The following ARPC1A variants were observed in gnomAD, a reference collection of about 807,000 sequenced individuals.
ARPC1A encodes the protein actin-related protein 2/3 complex subunit 1A.
A neutral mutation model predicts 46.9 loss-of-function variants in ARPC1A; 8 were observed. The ratio of observed to expected loss-of-function variants is 0.17; its 90% CI spans 0.10 to 0.31. The LOEUF is 0.31. ARPC1A is among the 10% of genes least tolerant of loss of function. ARPC1A has a pLI of 1.00. For synonymous variants in ARPC1A, 152 were observed against 169.0 expected (o/e 0.90, Z 0.78); for missense variants, 286 against 483.6 (o/e 0.59, Z 3.83).
intron 1 of ARPC1A, among the ~76,000 whole-genome samples, chr7:99,333,099 G>C (rs751892326): frequency 3.9e-5 from 6 of 152,144 alleles, no homozygotes; most frequent in Non-Finnish European, 7.3e-5. Context: ...GTTTCACCAG[G>C]TTGGCCAGGC....
intron 5 of ARPC1A, 143 bp downstream of exon 5, chr7:99,349,102 G>GT: frequency 1.3e-6 from 1 of 783,466 alleles, no homozygotes; most frequent in Admixed American, 2.5e-5. Flanking sequence ...CCAGGCTGGA[G>GT]TGCAGTGGCA....
chr7:99,354,169 C>G, intron 6 of ARPC1A, 48 bp downstream of exon 6: 1 of 1,579,788 alleles, frequency 6.3e-7, no homozygotes, highest in Non-Finnish European at 8.6e-7. Context: ...GGGGTGGGAT[C>G]TCTCACCAGC....
At chr7:99,344,550 A>G (rs758003668) in intron 4 of ARPC1A, 35 bp downstream of exon 4, 24 of 1,603,312 alleles carry the variant, frequency 1.5e-5, no homozygotes, top group Middle Eastern at 1.6e-4. Context: ...ATCCCTCTCT[A>G]TAGAATTTAC....
intron 5 of ARPC1A, among the ~76,000 whole-genome samples, chr7:99,351,942 AC>A (rs1239606419): frequency 2.0e-5 from 3 of 152,072 alleles, no homozygotes; most frequent in Non-Finnish European, 4.4e-5. Context: ...GTTAGTGGAA[AC>A]GGGCGACACC....
intron 1 of ARPC1A, among the ~76,000 whole-genome samples, chr7:99,330,945 A>T: frequency 6.6e-6 from 1 of 152,298 alleles, no homozygotes; most frequent in South Asian, 2.1e-4. Flanking sequence ...GGTACCTATA[A>T]AATAGAGAAT....
intron 8 of ARPC1A, among the ~76,000 whole-genome samples, chr7:99,361,069 T>C (rs574351289): frequency 1.3e-5 from 2 of 152,186 alleles, no homozygotes; most frequent in African/African-American, 4.8e-5. Context: ...AATCTTATTG[T>C]GGTATTGATG....
intron 3 of ARPC1A, among the ~76,000 whole-genome samples, chr7:99,340,350 G>A (rs1426654141): frequency 4.6e-5 from 7 of 152,070 alleles, no homozygotes; most frequent in Non-Finnish European, 1.0e-4. Context: ...TTTAGTAGAT[G>A]TGGGATTTCA....
At chr7:99,345,506 C>T (rs1404134764) in intron 4 of ARPC1A, among the ~76,000 whole-genome samples, 1 of 151,958 alleles carries the variant, frequency 6.6e-6, no homozygotes, top group Non-Finnish European at 1.5e-5. Context: ...ACTAAAAATA[C>T]AAAAATTAGC....
At position 99,366,182 on chromosome 7, in the gene ARPC1A, T is replaced by G. The variant is rs536737683; in HGVS notation, c.*253T>G. ...TCTTTAAGTAGTTTATTATGGAAAA[T>G]TGTCACACTAACTTAAAAGACAGGG... is the stretch of plus-strand genomic sequence containing the variant. On this transcript the variant is annotated 3_prime_UTR_variant, in exon 10 of 10. Coordinates refer to ENST00000262942, the MANE Select transcript of ARPC1A (RefSeq NM_006409.4). 1 of 488,208 alleles carries G rather than the reference T, an allele frequency of 2.0e-6. No homozygotes were observed. Among genetic ancestry groups the G allele is most frequent in the Admixed American group, 3.8e-5 (1 of 26,168 alleles). 30.2% of individuals were successfully genotyped at this position (488,208 alleles called of 1,614,324 possible). A position where few individuals can be genotyped will look rare whatever the true frequency, so the allele number is the denominator to read the frequency against.
At chr7:99,339,322 A>G (rs1253157177) in intron 3 of ARPC1A, among the ~76,000 whole-genome samples, 1 of 152,136 alleles carries the variant, frequency 6.6e-6, no homozygotes, top group Non-Finnish European at 1.5e-5. Context: ...CTGAGGCGGG[A>G]GGATCGCTTG....
chr7:99,343,479 GAAAGA>G (rs766800401), intron 3 of ARPC1A, among the ~76,000 whole-genome samples: 3 of 149,764 alleles, frequency 2.0e-5, no homozygotes, highest in Non-Finnish European at 4.5e-5. Context: ...AAAAAAAAAA[GAAAGA>G]AAAGAAAAGA....
chr7:99,360,140 G>A, intron 8 of ARPC1A: 1 of 210,646 alleles, frequency 4.7e-6, no homozygotes, highest in Non-Finnish European at 9.7e-6. Flanking sequence ...CGAAGTTACA[G>A]CCTGTTGGAA....
chr7:99,355,708 C>G (rs1449572350), intron 6 of ARPC1A, among the ~76,000 whole-genome samples: 2 of 151,858 alleles, frequency 1.3e-5, no homozygotes, highest in Non-Finnish European at 2.9e-5. Flanking sequence ...CATGCCATTG[C>G]ACTCCAGCCT....
At chr7:99,347,813 G>A (rs1793480495) in intron 4 of ARPC1A, among the ~76,000 whole-genome samples, 1 of 147,970 alleles carries the variant, frequency 6.8e-6, no homozygotes, top group Admixed American at 6.8e-5. Context: ...TGGACAACAA[G>A]AGCGAAACTC....
chr7:99,344,539 T>C (rs1402865043), intron 4 of ARPC1A, 24 bp downstream of exon 4: 2 of 1,609,270 alleles, frequency 1.2e-6, no homozygotes, highest in African/African-American at 1.3e-5. Context: ...GAATTTTTTC[T>C]ATCCCTCTCT....
intron 6 of ARPC1A, 56 bp downstream of exon 6, chr7:99,354,177 A>G: frequency 6.4e-7 from 1 of 1,569,924 alleles, no homozygotes; most frequent in Non-Finnish European, 8.7e-7. Flanking sequence ...ATCTCTCACC[A>G]GCTGAACCAG....
intron 1 of ARPC1A, among the ~76,000 whole-genome samples, chr7:99,330,674 T>C (rs943743230): frequency 1.3e-4 from 20 of 152,366 alleles, no homozygotes; most frequent in Admixed American, 2.6e-4. Context: ...ATTTCTGCTT[T>C]GTCAGCTGAA....
chr7:99,334,750 C>T (rs958140824), intron 2 of ARPC1A, among the ~76,000 whole-genome samples: 7 of 152,092 alleles, frequency 4.6e-5, no homozygotes, highest in East Asian at 1.9e-4. Context: ...GGTGCAATCT[C>T]GGCTTACTGC....
At chr7:99,358,209 C>T in intron 6 of ARPC1A, 131 bp from the exon 7 acceptor site, 1 of 835,110 alleles carries the variant, frequency 1.2e-6, no homozygotes, top group Non-Finnish European at 1.9e-6. Context: ...AGGTCAGGGG[C>T]TCCTTTTCAA....
Sources: allele counts gnomAD v4.1 joint callset (sites outside exome capture counted in the v4.1 genomes callset), GRCh38; gene constraint gnomAD v4.1.1; transcripts MANE v1.5; gene names NCBI Gene and HGNC (gene_info 2026-07-23, HGNC 2026-07-21).